The following MROH9 variants were observed in gnomAD, a reference collection of about 807,000 sequenced individuals.
MROH9 encodes the protein maestro heat-like repeat-containing protein family member 9.
In MROH9, 92 loss-of-function variants were observed where a neutral mutation model predicts 98.2. The observed-to-expected ratio is 0.94, with a 90% CI of 0.79 to 1.11. The LOEUF is 1.11. Among genes scored for constraint, MROH9 ranks in the 50% most tolerant of loss-of-function variants. The probability of loss-of-function intolerance (pLI) is 0.00; values close to 1 mark genes in which losing one functional copy is unlikely to be tolerated. For missense variants in MROH9, 1,057 were observed against 1,014.8 expected (o/e 1.04, Z -0.57); for synonymous variants, 397 against 368.9 (o/e 1.08, Z -0.87).
intron 20 of MROH9, among the ~76,000 whole-genome samples, chr1:171,057,643 A>G (rs758889918): frequency 5.9e-5 from 9 of 152,202 alleles, no homozygotes; most frequent in Non-Finnish European, 1.3e-4. Flanking sequence ...CCACAAGAAG[A>G]CAAACCCCAA....
intron 16 of MROH9, among the ~76,000 whole-genome samples, chr1:171,014,701 A>G (rs1020423305): frequency 2.6e-5 from 4 of 152,222 alleles, no homozygotes; most frequent in African/African-American, 9.6e-5. Flanking sequence ...AGCCCAAGTC[A>G]AACTGCACTG....
chr1:170,999,659 G>T (rs1016920029), intron 15 of MROH9, among the ~76,000 whole-genome samples: 8 of 151,974 alleles, frequency 5.3e-5, no homozygotes, highest in Non-Finnish European at 1.2e-4. Flanking sequence ...TTTCTTTTTC[G>T]AATAATGTCT....
At chr1:170,939,022 C>A (rs1008659699) in intron 1 of MROH9, among the ~76,000 whole-genome samples, 3 of 152,180 alleles carry the variant, frequency 2.0e-5, no homozygotes, top group Non-Finnish European at 4.4e-5. Context: ...GAAGAAATAG[C>A]CTAATTGGTA....
At chr1:170,994,967 A>G (rs1407115240) in intron 12 of MROH9, among the ~76,000 whole-genome samples, 1 of 144,344 alleles carries the variant, frequency 6.9e-6, no homozygotes, top group Non-Finnish European at 1.6e-5. Context: ...GCAGTAGTCA[A>G]TAGGCCAAAT....
intron 20 of MROH9, among the ~76,000 whole-genome samples, chr1:171,043,130 T>G (rs901668219): frequency 1.3e-5 from 2 of 152,182 alleles, no homozygotes; most frequent in African/African-American, 4.8e-5. Context: ...GTCCTAGATT[T>G]AAGCCTTTAA....
At chr1:171,011,267 G>T (rs922913873) in intron 15 of MROH9, among the ~76,000 whole-genome samples, 1 of 152,116 alleles carries the variant, frequency 6.6e-6, no homozygotes, top group South Asian at 2.1e-4. Context: ...ATCAATAGAT[G>T]TTAAAACAAT....
chr1:171,002,106 G>A (rs1651803939), intron 15 of MROH9, among the ~76,000 whole-genome samples: 1 of 151,990 alleles, frequency 6.6e-6, no homozygotes, highest in African/African-American at 2.4e-5. Flanking sequence ...CTTTTTCCAT[G>A]CCTTTACTTT....
At chr1:171,038,433 A>T (rs1310117594) in intron 20 of MROH9, among the ~76,000 whole-genome samples, 2 of 152,210 alleles carry the variant, frequency 1.3e-5, no homozygotes, top group Admixed American at 6.5e-5. Context: ...CTCTAAGAAG[A>T]ACAATTTGGC....
At chr1:170,993,534 G>C (rs760136362) in intron 12 of MROH9, among the ~76,000 whole-genome samples, 1 of 152,152 alleles carries the variant, frequency 6.6e-6, no homozygotes, top group Non-Finnish European at 1.5e-5. Context: ...GTCTTTCTAT[G>C]AGTGCATGTG....
At chr1:170,955,598 G>T (rs979833222) in intron 3 of MROH9, among the ~76,000 whole-genome samples, 5 of 152,148 alleles carry the variant, frequency 3.3e-5, no homozygotes, top group African/African-American at 4.8e-5. Context: ...TCATATGTTT[G>T]TTGGCCATTT....
At chr1:170,985,766 T>C (rs77887182) in intron 9 of MROH9, among the ~76,000 whole-genome samples, 6,570 of 149,590 alleles carry the variant, frequency 0.044, 205 homozygotes, top group Middle Eastern at 0.068. Flanking sequence ...CTAATTTTCT[T>C]CCATAGCTTT....
intron 20 of MROH9, among the ~76,000 whole-genome samples, chr1:171,057,105 C>A (rs960164467): frequency 5.9e-5 from 9 of 152,244 alleles, no homozygotes; most frequent in Admixed American, 3.3e-4. Flanking sequence ...CAGCACTGGA[C>A]GGAGGATGAG....
intron 8 of MROH9, among the ~76,000 whole-genome samples, chr1:170,972,204 T>G (rs1289028410): frequency 6.6e-6 from 1 of 152,136 alleles, no homozygotes; most frequent in African/African-American, 2.4e-5. Context: ...AATGCGGTAT[T>G]TTTTTCTGTC....
intron 3 of MROH9, among the ~76,000 whole-genome samples, chr1:170,949,373 A>G (rs1649461291): frequency 6.6e-6 from 1 of 152,072 alleles, no homozygotes; most frequent in Admixed American, 6.6e-5. Context: ...AGACTAGTCA[A>G]GAGGAAATAA....
At chr1:171,001,704 T>C (rs979197670) in intron 15 of MROH9, among the ~76,000 whole-genome samples, 1 of 152,178 alleles carries the variant, frequency 6.6e-6, no homozygotes, top group African/African-American at 2.4e-5. Context: ...TTGAACAGAA[T>C]GTGTATTCTG....
At chr1:171,017,761 C>T (rs1371512494) in intron 17 of MROH9, among the ~76,000 whole-genome samples, 1 of 152,194 alleles carries the variant, frequency 6.6e-6, no homozygotes, top group Non-Finnish European at 1.5e-5. Flanking sequence ...CCCCCATAGC[C>T]TAACACATCA....
chr1:171,051,723 C>A (rs575476343), intron 20 of MROH9, among the ~76,000 whole-genome samples: 96 of 152,288 alleles, frequency 6.3e-4, no homozygotes, highest in African/African-American at 2.2e-3. Context: ...GCACATCCTG[C>A]ACATGTATCC....
At chr1:171,030,773 T>C (rs1280423122) in intron 20 of MROH9, among the ~76,000 whole-genome samples, 1 of 152,162 alleles carries the variant, frequency 6.6e-6, no homozygotes, top group East Asian at 1.9e-4. Flanking sequence ...TTGATTTGGG[T>C]TGGAGAGTTC....
intron 11 of MROH9, among the ~76,000 whole-genome samples, chr1:170,990,715 G>T (rs2101807285): frequency 6.6e-6 from 1 of 152,192 alleles, no homozygotes; most frequent in Middle Eastern, 3.4e-3. Flanking sequence ...AAATGAATCT[G>T]TTTCCATCAA....
Sources: allele counts gnomAD v4.1 joint callset (sites outside exome capture counted in the v4.1 genomes callset), GRCh38; gene constraint gnomAD v4.1.1; transcripts MANE v1.5; gene names NCBI Gene and HGNC (gene_info 2026-07-23, HGNC 2026-07-21).